The following MAK variants were observed in gnomAD, a reference collection of about 807,000 sequenced individuals.
MAK encodes the protein male germ cell associated kinase.
In MAK, 65 loss-of-function variants were observed where a neutral mutation model predicts 82.6. The observed-to-expected ratio is 0.79, with a 90% confidence interval of 0.64 to 0.97. The LOEUF is 0.97. Among genes scored for constraint, MAK ranks in the 50% least tolerant of loss-of-function variants. The pLI, the probability that MAK is intolerant of heterozygous loss-of-function variation, is 0.00. For missense variants in MAK, 703 were observed against 780.2 expected (o/e 0.90, Z 1.18); for synonymous variants, 250 against 274.2 (o/e 0.91, Z 0.87).
At chr6:10,784,357 C>G in intron 11 of MAK, 67 bp downstream of exon 11, 7 of 1,564,930 alleles carry the variant, frequency 4.5e-6, no homozygotes, top group Non-Finnish European at 6.2e-6. Flanking sequence ...TTTGGAGATT[C>G]CAAGACACTT....
At chr6:10,784,861 T>C (rs1357018227) in intron 10 of MAK, 1 of 554,496 alleles carries the variant, frequency 1.8e-6, no homozygotes, top group African/African-American at 1.9e-5. Context: ...ACGGCTGCAG[T>C]TGGATTCATA....
At chr6:10,829,092 A>G (rs1399604715) in intron 2 of MAK, 3 of 152,204 alleles carry the variant, frequency 2.0e-5, no homozygotes, top group Admixed American at 1.3e-4. Flanking sequence ...ACTTCGGCCA[A>G]TTATCTGACT....
intron 12 of MAK, 84 bp downstream of exon 12, chr6:10,775,241 TTGG>T (rs1243188794): frequency 1.3e-6 from 2 of 1,483,794 alleles, no homozygotes; most frequent in Non-Finnish European, 1.9e-6. Context: ...CACATGTATC[TTGG>T]TTGGAAGAGC....
rs550836035 is a variant in MAK, at chr6:10,763,202, A to T, written c.*1250T>A. ...CCCAGCAGCTGAACGCACTTGCTTCAGAGCAAATGTGAAGGTCAGAGCTGA... is the reference window on the plus strand; with the variant it reads ...CCCAGCAGCTGAACGCACTTGCTTCTGAGCAAATGTGAAGGTCAGAGCTGA... On this transcript the variant is annotated 3_prime_UTR_variant, in exon 15 of 15. Transcript: ENST00000354489. The T allele has an allele frequency of 1.3e-5, 2 of 152,666 alleles. No homozygotes were observed. The highest frequency in any genetic ancestry group is 1.3e-4 in the Admixed American group (2 of 15,276). 9.5% of individuals were successfully genotyped at this position (152,666 alleles called of 1,614,324 possible).
rs1027220242 is a variant in MAK at position 10,762,966 on chromosome 6, T to C, written c.*1486A>G. 6.6e-6 allele frequency: 1 copy of C among 152,626 alleles called. No individual in the cohort carries two copies. Among genetic ancestry groups the C allele is most frequent in the Non-Finnish European group, 1.5e-5 (1 of 68,034 alleles). The allele number at this position is 152,626 out of a possible 1,614,324, so 9.5% of individuals were successfully genotyped here. ...TATAATGCCCACAAGATGACACTTA[T>C]TACAATAGCAGTTGTTACAAAGTCA... is the stretch of plus-strand genomic sequence containing the variant. On this transcript the variant is annotated 3_prime_UTR_variant, in exon 15 of 15. Coordinates refer to ENST00000354489, the MANE Select transcript of MAK (RefSeq NM_001242957.3).
Position 10,779,205 on chromosome 6 carries a change from T to C in MAK, c.1466-3746A>G, listed in dbSNP as rs553597575. ...GGCCAGCAGTGGTGGCATCGATTCA[T>C]GCCCAGAGTCCCGGCTCTAGGAGCA... is the stretch of plus-strand genomic sequence containing the variant. On this transcript the variant is annotated intron_variant, in intron 11 of 14. Coordinates refer to ENST00000354489, the MANE Select transcript of MAK (RefSeq NM_001242957.3). 172 of 291,344 alleles carry C rather than the reference T, an allele frequency of 5.9e-4. 1 individual carries two copies. Among genetic ancestry groups the C allele is most frequent in the Non-Finnish European group, 8.2e-4 (162 of 197,312 alleles). The allele number at this position is 291,344 out of a possible 1,614,324, so 18.0% of individuals were successfully genotyped here.
intron 13 of MAK, among the ~76,000 whole-genome samples, chr6:10,770,655 A>C (rs1394467005): frequency 1.3e-5 from 2 of 152,148 alleles, no homozygotes; most frequent in African/African-American, 4.8e-5. Flanking sequence ...AAGTGGACCT[A>C]TTCTCGTAGG....
chr6:10,767,253 T>C (rs75056421), intron 14 of MAK, among the ~76,000 whole-genome samples: 2,222 of 152,328 alleles, frequency 0.015, 62 homozygotes, highest in African/African-American at 0.051. Flanking sequence ...GTGATACAAC[T>C]TTTAGCAACA....
intron 10 of MAK, among the ~76,000 whole-genome samples, chr6:10,786,094 A>T (rs1330449690): frequency 6.6e-6 from 1 of 152,062 alleles, no homozygotes; most frequent in African/African-American, 2.4e-5. Flanking sequence ...AAAATACAAA[A>T]ATTAGCTGGG....
chr6:10,833,014 A>G (rs1778916128), intron 1 of MAK, among the ~76,000 whole-genome samples: 1 of 152,186 alleles, frequency 6.6e-6, no homozygotes, highest in African/African-American at 2.4e-5. Flanking sequence ...AGTTTGTTTT[A>G]AAGTACCTTT....
chr6:10,816,443 T>TTAA (rs1231149339), intron 4 of MAK, among the ~76,000 whole-genome samples: 1 of 152,144 alleles, frequency 6.6e-6, no homozygotes, highest in Non-Finnish European at 1.5e-5. Flanking sequence ...ATTTTTTTCT[T>TTAA]CAACAAGGGT....
In MAK at chr6:10,773,016, CTG is replaced by C. The variant is rs1243649439; in HGVS notation, c.1672+16_1672+17del. The C allele has an allele frequency of 6.7e-7, 1 of 1,495,132 alleles. No individual in the cohort carries two copies. The highest frequency in any genetic ancestry group is 2.0e-5 in the Admixed American group (1 of 50,918). 92.6% of individuals were successfully genotyped at this position (1,495,132 alleles called of 1,614,324 possible). On this transcript the variant is annotated intron_variant, in intron 13 of 14. Coordinates refer to ENST00000354489, the MANE Select transcript of MAK (RefSeq NM_001242957.3). Reference sequence around the variant, plus strand: ...GATTCAAAGAACAAACTGCATTCATCTGACGCCCAGAAATTACCTTGTGGGTC... The same window carrying C: ...GATTCAAAGAACAAACTGCATTCATCACGCCCAGAAATTACCTTGTGGGTC...
At position 10,803,567 on chromosome 6, in the gene MAK, G is replaced by A. The variant is rs535359253; in HGVS notation, c.663+153C>T. On this transcript the variant is annotated intron_variant, in intron 7 of 14. Coordinates refer to ENST00000354489, the MANE Select transcript of MAK (RefSeq NM_001242957.3). ...CTCAAAAAAAAAAAAAGAATTATAA[G>A]AAAATTAATCATTAAAGTATGAGCC... Among the ~76,000 whole-genome samples, 11 of 149,190 alleles carry A rather than the reference G, an allele frequency of 7.4e-5. No individual in the cohort carries two copies. The East Asian group carries it at 1.8e-3, about 24-fold the overall frequency.
At chr6:10,809,341 A>AC (rs1346080222) in intron 5 of MAK, among the ~76,000 whole-genome samples, 12 of 152,128 alleles carry the variant, frequency 7.9e-5, no homozygotes, top group Non-Finnish European at 1.5e-4. Context: ...GAGTGAAGTC[A>AC]CCTAATTAAC....
chr6:10,835,148 C>T (rs1442588564), intron 1 of MAK, among the ~76,000 whole-genome samples: 2 of 152,226 alleles, frequency 1.3e-5, no homozygotes, highest in Non-Finnish European at 2.9e-5. Flanking sequence ...TTCTTTACAT[C>T]CCCTTGTTAT....
At chr6:10,791,209 A>G (rs1216515211) in intron 10 of MAK, among the ~76,000 whole-genome samples, 1 of 152,180 alleles carries the variant, frequency 6.6e-6, no homozygotes, top group Non-Finnish European at 1.5e-5. Flanking sequence ...TTACCTTTTC[A>G]GAAGTATGTG....
At chr6:10,779,384 C>T in intron 11 of MAK, 1 of 985,318 alleles carries the variant, frequency 1.0e-6, no homozygotes, top group South Asian at 4.7e-5. Context: ...GAATCTTGCT[C>T]CAAGTACACA....
intron 4 of MAK, among the ~76,000 whole-genome samples, chr6:10,814,540 A>G (rs1258059048): frequency 1.3e-5 from 2 of 151,622 alleles, no homozygotes; most frequent in Non-Finnish European, 2.9e-5. Context: ...GTGGTAGCGC[A>G]TGCCTGTAGT....
At chr6:10,837,382 C>CA (rs1320033835) in intron 1 of MAK, among the ~76,000 whole-genome samples, 2 of 152,164 alleles carry the variant, frequency 1.3e-5, no homozygotes, top group Non-Finnish European at 2.9e-5. Flanking sequence ...AGCTTATACA[C>CA]AAAAAAAGTC....
Sources: gnomAD v4.1 joint callset for allele counts (sites outside exome capture counted in the v4.1 genomes callset) on GRCh38, gnomAD v4.1.1 for gene constraint, MANE v1.5 for transcripts, NCBI Gene and HGNC (gene_info 2026-07-23, HGNC 2026-07-21) for gene names.